CIITA: variants seen among roughly 807,000 people sequenced by gnomAD.
The protein encoded by CIITA is class II major histocompatibility complex transactivator.
Under a neutral mutation model 115.1 loss-of-function variants are expected in CIITA, and 72 were observed. The observed-to-expected ratio is 0.63, with a 90% CI of 0.52 to 0.76. The LOEUF (loss-of-function observed/expected upper bound fraction) is 0.76, where lower values mean the gene tolerates loss of function less well. Among genes scored for constraint, CIITA ranks in the 30% least tolerant of loss-of-function variants. CIITA has a pLI of 0.00. For synonymous variants in CIITA, 763 were observed against 635.6 expected (o/e 1.20, Z -3.02); for missense variants, 1,617 against 1,463.8 (o/e 1.10, Z -1.71).
At chr16:10,891,410 A>T (rs1228874828) in intron 1 of CIITA, among the ~76,000 whole-genome samples, 1 of 152,136 alleles carries the variant, frequency 6.6e-6, no homozygotes, top group African/African-American at 2.4e-5. Flanking sequence ...TCCCTGGCAG[A>T]CCCAATGCCC....
At position 10,901,444 on chromosome 16, in the gene CIITA, A is replaced by G; in HGVS notation, c.437-70A>G. The G allele has an allele frequency of 1.3e-6, 2 of 1,542,350 alleles. No individual in the cohort carries two copies. Among genetic ancestry groups the G allele is most frequent in the South Asian group, 1.1e-5 (1 of 89,252 alleles). On this transcript the variant is annotated intron_variant, in intron 5 of 19. Transcript: ENST00000324288. This position sits in a 1 kb window ranked among gnomAD's most constrained non-coding sequence, Gnocchi z 6.8. Reference sequence around the variant, plus strand: ...TGAAGTTAAGGCCGTATAGCCTGCTAGAGTCCTGAGCCCCTTCTGGCTTGG... The same window carrying G: ...TGAAGTTAAGGCCGTATAGCCTGCTGGAGTCCTGAGCCCCTTCTGGCTTGG...
intron 1 of CIITA, among the ~76,000 whole-genome samples, chr16:10,872,083 TTTATTA>T (rs1025191230): frequency 6.6e-5 from 10 of 152,150 alleles, no homozygotes; most frequent in Non-Finnish European, 1.3e-4. Flanking sequence ...TCTACTTCTT[TTTATTA>T]TTATTATCAT....
At chr16:10,909,607 TC>T (rs2039419453) in intron 12 of CIITA, among the ~76,000 whole-genome samples, 1 of 152,262 alleles carries the variant, frequency 6.6e-6, no homozygotes. Context: ...AAGTTAACTG[TC>T]TTTCATTCAT....
At chr16:10,938,084 G>A (rs2041054035), downstream of CIITA, 1 of 152,204 alleles carries the variant, frequency 6.6e-6, no homozygotes, top group African/African-American at 2.4e-5. The surrounding 1 kb of genome is among the most constrained non-coding windows in gnomAD (Gnocchi z 4.9). Flanking sequence ...ATCCGACTAT[G>A]AATATGAGTG....
upstream of CIITA, among the ~76,000 whole-genome samples, chr16:10,873,658 C>A (rs1169384910): frequency 1.3e-5 from 2 of 152,132 alleles, no homozygotes; most frequent in Non-Finnish European, 2.9e-5. Context: ...CAAGGACCGG[C>A]AATTTTTCCA....
Position 10,907,463 on chromosome 16 carries a change from G to T in CIITA, c.1971G>T (p.Leu657=), listed in dbSNP as rs886051641. The change falls in exon 11 of 20, where the codon CTG becomes CTT. Residue 657 remains leucine, a synonymous_variant. Coordinates refer to ENST00000324288, the MANE Select transcript of CIITA (RefSeq NM_000246.4). This position sits in a 1 kb window ranked among gnomAD's most constrained non-coding sequence, Gnocchi z 5.0. ...RAALDSPPGA[L]AELAKLAWEL... ...CCCTCGACAGCCCCCCCGGGGCCCT[G>T]GCAGAGCTGGCCAAGCTGGCCTGGG... 1.2e-6 allele frequency: 2 copies of T among 1,613,500 alleles called. No homozygotes were observed. Among genetic ancestry groups the T allele is most frequent in the East Asian group, 4.5e-5 (2 of 44,864 alleles).
At chr16:10,902,912 A>C in intron 8 of CIITA, 111 bp downstream of exon 8, 2 of 1,285,684 alleles carry the variant, frequency 1.6e-6, no homozygotes, top group Non-Finnish European at 2.2e-6. Flanking sequence ...GCACCTTCTC[A>C]TGATCCTCCC....
Position 10,918,406 on chromosome 16 carries a change from G to T in CIITA, c.3063-34G>T, listed in dbSNP as rs375074450. 43 of 1,595,216 alleles carry T rather than the reference G, an allele frequency of 2.7e-5. No homozygotes were observed. The African/African-American group carries it at 4.6e-4, about 17-fold the overall frequency. On this transcript the variant is annotated intron_variant, in intron 15 of 19. Coordinates refer to ENST00000324288, the MANE Select transcript of CIITA (RefSeq NM_000246.4). ...GGTCAAAGTGAGGCATGCAAGTTTG[G>T]TCCTGAGCCCTCCCCCTCACTGTGT...
chr16:10,915,570 G>A lies in CIITA; in HGVS notation c.2889G>A (p.Ala963=), dbSNP rs1390409757. 6.2e-7 allele frequency: 1 copy of A among 1,613,536 alleles called. No homozygotes were observed. Among genetic ancestry groups the A allele is most frequent in the Non-Finnish European group, 8.5e-7 (1 of 1,179,586 alleles). The change falls in exon 14 of 20, where the codon GCG becomes GCA. Residue 963 remains alanine, a splice_region_variant and synonymous_variant. Coordinates refer to ENST00000324288, the MANE Select transcript of CIITA (RefSeq NM_000246.4). ...CTTACCCTTGCTCTTTGCCTCCTAGGCTGGGCCCTGTCTCAGGCCCCCAGG... is the reference window on the plus strand; with the variant it reads ...CTTACCCTTGCTCTTTGCCTCCTAGACTGGGCCCTGTCTCAGGCCCCCAGG... ...AVRDLKKLEF[A]LGPVSGPQAF...
At chr16:10,872,000 T>C (rs2035517489) in intron 1 of CIITA, among the ~76,000 whole-genome samples, 1 of 152,240 alleles carries the variant, frequency 6.6e-6, no homozygotes, top group Non-Finnish European at 1.5e-5. Context: ...CCTGCGTTCC[T>C]TACTGTCTAC....
rs150014874 is a variant in CIITA, at chr16:10,907,670, C to T, written c.2178C>T (p.Gly726=). 4.2e-5 allele frequency: 68 copies of T among 1,614,090 alleles called. No individual in the cohort carries two copies. The African/African-American group carries it at 5.6e-4, about 13-fold the overall frequency. ...GGGCCCTGTGGCTGGCTCTGAGTGG[C>T]GAAATCAAGGACAAGGAGCTCCCGC... The part of the protein sequence containing the change: ...FLGALWLALS[G]EIKDKELPQY... The change falls in exon 11 of 20, where the codon GGC becomes GGT. Residue 726 remains glycine (G), a synonymous_variant. Transcript: ENST00000324288. This position sits in a 1 kb window ranked among gnomAD's most constrained non-coding sequence, Gnocchi z 5.0.
At chr16:10,876,413 A>G (rs1292440938), upstream of CIITA, among the ~76,000 whole-genome samples, 1 of 152,242 alleles carries the variant, frequency 6.6e-6, no homozygotes, top group Non-Finnish European at 1.5e-5. Flanking sequence ...GAGTGATGTT[A>G]GATTATAGCA....
At chr16:10,877,200 TTAGTGATGAGGC>T (rs550313540) in exon 1 of CIITA, 365 of 775,428 alleles carry the variant, frequency 4.7e-4, no homozygotes, top group East Asian at 2.8e-3. Context: ...TGGTGACTGG[TTAGTGATGAGGC>T]TAGTGATGAG....
At chr16:10,895,549 T>A (rs548079582) in intron 2 of CIITA, 120 bp from the exon 3 acceptor site, 174 of 1,552,274 alleles carry the variant, frequency 1.1e-4, no homozygotes, top group Middle Eastern at 1.7e-4. Context: ...AGCTCCCACG[T>A]CTGTGGGACG....
chr16:10,906,539 TG>T lies in CIITA; in HGVS notation c.1049del (p.Gly350ValfsTer11), dbSNP rs1567415157. 1 of 1,612,620 alleles carries T rather than the reference TG, an allele frequency of 6.2e-7. No homozygotes were observed. The highest frequency in any genetic ancestry group is 8.5e-7 in the Non-Finnish European group (1 of 1,179,952). On this transcript the variant is annotated frameshift_variant, in exon 11 of 20. Transcript: ENST00000324288. LOFTEE classifies it high-confidence loss of function. ...QFYRSLQDTY[G>X]AEPAGPDGIL... ...TCTACCGCTCACTGCAGGACACGTA[TG>T]GTGCCGAGCCCGCAGGCCCGGATGG...
downstream of CIITA, chr16:10,937,942 G>A (rs565139007): frequency 4.4e-4 from 67 of 152,398 alleles, no homozygotes; most frequent in African/African-American, 1.5e-3. The surrounding 1 kb of genome is among the most constrained non-coding windows in gnomAD (Gnocchi z 4.2). Context: ...CCCCCAGCTA[G>A]GCTAGACCTG....
At chr16:10,914,996 C>A in intron 13 of CIITA, 1 of 453,034 alleles carries the variant, frequency 2.2e-6, no homozygotes, top group Non-Finnish European at 4.4e-6. Flanking sequence ...TACTTAGAGA[C>A]AAAAGCTGGG....
At chr16:10,889,906 T>C (rs2037374690) in intron 1 of CIITA, among the ~76,000 whole-genome samples, 1 of 152,222 alleles carries the variant, frequency 6.6e-6, no homozygotes, top group African/African-American at 2.4e-5. Context: ...CTAAACCACA[T>C]GACCTTGGAC....
Position 10,926,269 on chromosome 16 carries a change from G to A in CIITA, c.*2414G>A, listed in dbSNP as rs2145226234. 1 of 152,382 alleles carries A rather than the reference G, an allele frequency of 6.6e-6. No individual in the cohort carries two copies. Among genetic ancestry groups the A allele is most frequent in the South Asian group, 2.1e-4 (1 of 4,828 alleles). 9.4% of individuals were successfully genotyped at this position (152,382 alleles called of 1,614,324 possible). A position where few individuals can be genotyped will look rare whatever the true frequency, so the allele number is the denominator to read the frequency against. ...CTCCTGCCTCGAACTGGCTGCAAAG[G>A]GTATCAGGTGCTGCCATCCAGGTTC... On this transcript the variant is annotated 3_prime_UTR_variant, in exon 20 of 20. Transcript: ENST00000324288.
Sources: allele counts gnomAD v4.1 joint callset (sites outside exome capture counted in the v4.1 genomes callset), GRCh38; gene constraint gnomAD v4.1.1; non-coding constraint Gnocchi (gnomAD v3.1); transcripts MANE v1.5; gene names NCBI Gene and HGNC (gene_info 2026-07-23, HGNC 2026-07-21).